LIMCH1: variants seen among roughly 807,000 people sequenced by gnomAD.
LIMCH1 encodes the protein LIM and calponin homology domains 1, also known as LIM and calponin homology domains-containing protein 1.
A neutral mutation model predicts 176.5 loss-of-function variants in LIMCH1; 113 were observed. The ratio of observed to expected loss-of-function variants is 0.64; its 90% CI spans 0.55 to 0.75. The LOEUF (loss-of-function observed/expected upper bound fraction) is 0.75, where lower values mean the gene tolerates loss of function less well. Ranked by LOEUF, LIMCH1 falls within the 30% of genes least tolerant of loss-of-function variation. LIMCH1 has a pLI of 0.00. For synonymous variants in LIMCH1, 619 were observed against 645.9 expected (o/e 0.96, Z 0.63); for missense variants, 1,674 against 1,814.9 (o/e 0.92, Z 1.41).
chr4:41,593,117 G>A (rs1303478611), intron 1 of LIMCH1, among the ~76,000 whole-genome samples: 1 of 152,188 alleles, frequency 6.6e-6, no homozygotes, highest in Non-Finnish European at 1.5e-5. Flanking sequence ...GGAGTGAGTT[G>A]CAAGGATGTC....
intron 1 of LIMCH1, among the ~76,000 whole-genome samples, chr4:41,583,220 A>G (rs1013543304): frequency 4.5e-4 from 69 of 152,338 alleles, no homozygotes; most frequent in African/African-American, 1.6e-3. Flanking sequence ...ATAGGGCCTT[A>G]GTACTTCTTG....
In LIMCH1 at chr4:41,463,751, G is replaced by A. The variant is rs2065722443; in HGVS notation, c.97-30785G>A. On this transcript the variant is annotated intron_variant, in intron 1 of 26. Coordinates refer to the LIMCH1 transcript ENST00000313860. ...CGCTACCATGTGTGGCTAATTTTTTGTGTTTTTAGTAGACATGGGGTTTCA... is the reference window on the plus strand; with the variant it reads ...CGCTACCATGTGTGGCTAATTTTTTATGTTTTTAGTAGACATGGGGTTTCA... Among the ~76,000 whole-genome samples, 4 of 151,780 alleles carry A rather than the reference G, an allele frequency of 2.6e-5. 1 individual carries two copies. The South Asian group carries it at 8.4e-4, about 32-fold the overall frequency.
At chr4:41,429,849 C>G (rs947259454) in intron 1 of LIMCH1, among the ~76,000 whole-genome samples, 2 of 148,152 alleles carry the variant, frequency 1.3e-5, no homozygotes, top group African/African-American at 5.1e-5. Context: ...ATAGATATCC[C>G]CCTGTCACCA....
intron 1 of LIMCH1, among the ~76,000 whole-genome samples, chr4:41,580,697 T>C (rs1221771656): frequency 6.6e-6 from 1 of 151,932 alleles, no homozygotes; most frequent in East Asian, 1.9e-4. Context: ...ATTAAAGGGA[T>C]AGAATAATGG....
chr4:41,403,406 C>T (rs947107816), intron 1 of LIMCH1, among the ~76,000 whole-genome samples: 4 of 152,172 alleles, frequency 2.6e-5, no homozygotes, highest in East Asian at 1.9e-4. Flanking sequence ...CATGATGAAA[C>T]CCTGTCTCTA....
chr4:41,657,575 T>C (rs996221073), intron 18 of LIMCH1, among the ~76,000 whole-genome samples: 2 of 152,206 alleles, frequency 1.3e-5, no homozygotes, highest in African/African-American at 4.8e-5. Flanking sequence ...TGTATATCCT[T>C]CTTTTTCTCA....
chr4:41,553,654 A>G (rs2080842231), intron 1 of LIMCH1, among the ~76,000 whole-genome samples: 1 of 152,124 alleles, frequency 6.6e-6, no homozygotes. Context: ...GAATGATAGC[A>G]ATGAAAGAAC....
chr4:41,470,195 T>A (rs1284357283), intron 1 of LIMCH1, among the ~76,000 whole-genome samples: 1 of 152,190 alleles, frequency 6.6e-6, no homozygotes, highest in Non-Finnish European at 1.5e-5. Context: ...TCCAACACCA[T>A]TCTTCTTTTA....
intron 1 of LIMCH1, among the ~76,000 whole-genome samples, chr4:41,367,711 A>G (rs1211194125): frequency 1.3e-5 from 2 of 148,490 alleles, no homozygotes; most frequent in African/African-American, 2.5e-5. Flanking sequence ...AAAAAAGGAA[A>G]GAAAAATCAT....
At chr4:41,631,063 T>C in intron 9 of LIMCH1, 85 bp from the exon 10 acceptor site, 1 of 1,209,870 alleles carries the variant, frequency 8.3e-7, no homozygotes, top group Non-Finnish European at 1.1e-6. Context: ...CAACTACTTC[T>C]AGTTTTTTTT....
At chr4:41,472,911 A>G (rs1312191140) in intron 1 of LIMCH1, 2 of 533,254 alleles carry the variant, frequency 3.8e-6, no homozygotes, top group African/African-American at 2.1e-5. Flanking sequence ...TTCTTTCCAC[A>G]TCACATCTCT....
At chr4:41,426,560 A>G (rs2061126853) in intron 1 of LIMCH1, among the ~76,000 whole-genome samples, 1 of 152,234 alleles carries the variant, frequency 6.6e-6, no homozygotes, top group African/African-American at 2.4e-5. Flanking sequence ...TTCTCTACAT[A>G]TTACTGCCTT....
intron 1 of LIMCH1, among the ~76,000 whole-genome samples, chr4:41,439,880 G>C (rs1419426521): frequency 6.6e-6 from 1 of 152,120 alleles, no homozygotes; most frequent in East Asian, 1.9e-4. Flanking sequence ...GTCCAGCCTG[G>C]GCGACAGGGC....
intron 2 of LIMCH1, among the ~76,000 whole-genome samples, chr4:41,505,780 G>T (rs1268164316): frequency 1.3e-5 from 2 of 152,148 alleles, no homozygotes; most frequent in African/African-American, 4.8e-5. Context: ...GGACACTGGT[G>T]TAGCAAATAA....
chr4:41,402,465 C>G (rs2058549457), intron 1 of LIMCH1, among the ~76,000 whole-genome samples: 2 of 147,066 alleles, frequency 1.4e-5, no homozygotes, highest in South Asian at 2.3e-4. Context: ...ACCCAGCCAT[C>G]CCATTACTGG....
At chr4:41,604,279 A>G (rs2090377283) in intron 3 of LIMCH1, 2 of 882,442 alleles carry the variant, frequency 2.3e-6, no homozygotes, top group Non-Finnish European at 1.4e-6. Context: ...GTAGGGTAAG[A>G]TCTGCACAAT....
chr4:41,386,866 T>G (rs530486492), intron 1 of LIMCH1, among the ~76,000 whole-genome samples: 56 of 152,316 alleles, frequency 3.7e-4, no homozygotes, highest in African/African-American at 1.3e-3. Flanking sequence ...ATTTCTGCTG[T>G]TATATGGTAG....
intron 15 of LIMCH1, 114 bp downstream of exon 15, chr4:41,644,740 G>A (rs977341311): frequency 7.0e-6 from 9 of 1,289,628 alleles, no homozygotes; most frequent in Non-Finnish European, 8.4e-6. Context: ...CCCCTAGAGG[G>A]TTTCAAAAGG....
chr4:41,527,559 G>A (rs924511938), intron 3 of LIMCH1, among the ~76,000 whole-genome samples: 9 of 152,204 alleles, frequency 5.9e-5, no homozygotes, highest in African/African-American at 2.2e-4. Context: ...TCGGCCGGGC[G>A]TGGTGGTGGC....
Sources: allele counts gnomAD v4.1 joint callset (sites outside exome capture counted in the v4.1 genomes callset), GRCh38; gene constraint gnomAD v4.1.1; transcripts MANE v1.5; gene names NCBI Gene and HGNC (gene_info 2026-07-23, HGNC 2026-07-21).